Variants in PSD3 observed in about 807,000 individuals in gnomAD.
The protein encoded by PSD3 is PH and SEC7 domain-containing protein 3.
PSD3 carries 49 observed loss-of-function variants against 105.5 expected under a neutral mutation model. The observed-to-expected ratio is 0.46, with a 90% CI of 0.37 to 0.59. The LOEUF (loss-of-function observed/expected upper bound fraction) is 0.59, where lower values mean the gene tolerates loss of function less well. Ranked by LOEUF, PSD3 falls within the 20% of genes least tolerant of loss-of-function variation. The pLI is 0.00. For synonymous variants in PSD3, 557 were observed against 457.8 expected (o/e 1.22, Z -2.77); for missense variants, 1,561 against 1,263.8 (o/e 1.24, Z -3.57).
rs940552036 is a variant in PSD3 at position 18,782,110 on chromosome 8, TCTGTAGTAC to T, written c.2083-16581_2083-16573del. On this transcript the variant is annotated intron_variant, in intron 8 of 15. Coordinates refer to ENST00000327040, the MANE Select transcript of PSD3 (RefSeq NM_015310.4). ...GTTTCTTTGCATTGTTCATCTGTTT[TCTGTAGTAC>T]CTGGGTTTTCAGAAATATTTTGAAT... Among the ~76,000 whole-genome samples, 40 of 152,330 alleles carry T rather than the reference TCTGTAGTAC, an allele frequency of 2.6e-4. 1 individual carries two copies. Among genetic ancestry groups the T allele is most frequent in the African/African-American group, 9.6e-4 (40 of 41,574 alleles).
chr8:18,603,649 A>C (rs1167835841), intron 11 of PSD3, among the ~76,000 whole-genome samples: 2 of 152,186 alleles, frequency 1.3e-5, no homozygotes, highest in Non-Finnish European at 2.9e-5. Flanking sequence ...TTCAGCTACA[A>C]TCCCCAGTGT....
rs1308838665 is a variant in PSD3 at position 18,763,216 on chromosome 8, T to C, written c.2172+2233A>G. On this transcript the variant is annotated intron_variant, in intron 9 of 15. Coordinates refer to ENST00000327040, the MANE Select transcript of PSD3 (RefSeq NM_015310.4). ...ACGTAACAATAAAAGCCTCAGTTTATGTAACTTTAAGCTTTTTTAATATTG... is the reference window on the plus strand; with the variant it reads ...ACGTAACAATAAAAGCCTCAGTTTACGTAACTTTAAGCTTTTTTAATATTG... Among the ~76,000 whole-genome samples, 76 of 152,364 alleles carry C rather than the reference T, an allele frequency of 5.0e-4. 1 individual carries two copies. The highest frequency in any genetic ancestry group is 3.5e-4 in the Non-Finnish European group (24 of 68,034).
intron 9 of PSD3, among the ~76,000 whole-genome samples, chr8:18,708,529 C>T (rs1451002251): frequency 6.6e-6 from 1 of 152,036 alleles, no homozygotes; most frequent in East Asian, 1.9e-4. Flanking sequence ...AAGTTACAGA[C>T]CACACAGCTG....
At chr8:18,637,736 A>G (rs146228389) in intron 10 of PSD3, among the ~76,000 whole-genome samples, 2 of 152,208 alleles carry the variant, frequency 1.3e-5, no homozygotes, top group African/African-American at 4.8e-5. Context: ...ATGAAAAACT[A>G]TTTGTATCTA....
chr8:18,897,796 T>G (rs905407479), intron 2 of PSD3, among the ~76,000 whole-genome samples: 2 of 152,190 alleles, frequency 1.3e-5, no homozygotes, highest in Non-Finnish European at 2.9e-5. Flanking sequence ...TACTTTCTTT[T>G]TCTGCTATTT....
intron 2 of PSD3, among the ~76,000 whole-genome samples, chr8:18,888,034 A>G (rs1818549463): frequency 6.6e-6 from 1 of 152,314 alleles, no homozygotes. Context: ...CGATTCAAAC[A>G]CAGGCAATGT....
chr8:18,771,365 T>A (rs1048422264), intron 8 of PSD3, among the ~76,000 whole-genome samples: 1 of 152,228 alleles, frequency 6.6e-6, no homozygotes, highest in Non-Finnish European at 1.5e-5. Context: ...TTTAATTAGG[T>A]GAAATCCAGT....
chr8:19,033,375 C>T (rs892229502), intron 1 of PSD3, among the ~76,000 whole-genome samples: 1 of 152,014 alleles, frequency 6.6e-6, no homozygotes, highest in Non-Finnish European at 1.5e-5. Context: ...TAACAGCAAA[C>T]TGGTATTTTT....
intron 1 of PSD3, among the ~76,000 whole-genome samples, chr8:18,990,414 C>G (rs751977859): frequency 3.9e-5 from 6 of 152,230 alleles, no homozygotes; most frequent in Non-Finnish European, 8.8e-5. Context: ...ATGCGACGCT[C>G]TTTTCTGCCC....
chr8:18,769,844 T>C (rs1468609692), intron 8 of PSD3, among the ~76,000 whole-genome samples: 4 of 152,244 alleles, frequency 2.6e-5, no homozygotes, highest in African/African-American at 7.2e-5. Flanking sequence ...CAACATTCCA[T>C]TGTATGGATA....
At chr8:18,709,957 C>T (rs569791393) in intron 9 of PSD3, among the ~76,000 whole-genome samples, 14 of 152,256 alleles carry the variant, frequency 9.2e-5, no homozygotes, top group African/African-American at 3.4e-4. Context: ...ATTGCACCAC[C>T]TCTCCAGCAA....
At chr8:18,656,551 C>T (rs975472892) in intron 9 of PSD3, among the ~76,000 whole-genome samples, 1 of 152,036 alleles carries the variant, frequency 6.6e-6, no homozygotes, top group Admixed American at 6.5e-5. Context: ...TTAAGTATTA[C>T]ATTTTGGGTG....
At chr8:18,713,991 T>G (rs1426642545) in intron 9 of PSD3, among the ~76,000 whole-genome samples, 1 of 152,150 alleles carries the variant, frequency 6.6e-6, no homozygotes, top group African/African-American at 2.4e-5. Flanking sequence ...TTTACAACCA[T>G]CTGATCGTCA....
intron 12 of PSD3, among the ~76,000 whole-genome samples, chr8:18,599,834 G>T (rs1304128174): frequency 6.6e-6 from 1 of 152,124 alleles, no homozygotes; most frequent in Non-Finnish European, 1.5e-5. Context: ...TCTGTTGTGT[G>T]CATGGAGGGA....
chr8:18,799,441 C>T, intron 7 of PSD3, 88 bp from the exon 8 acceptor site: 2 of 1,036,320 alleles, frequency 1.9e-6, no homozygotes, highest in Non-Finnish European at 3.0e-6. Context: ...ACACTCAGAA[C>T]CTATGAAAAC....
At chr8:18,604,218 C>T (rs1287031639) in intron 11 of PSD3, among the ~76,000 whole-genome samples, 2 of 152,124 alleles carry the variant, frequency 1.3e-5, no homozygotes, top group South Asian at 2.1e-4. Context: ...ACAGCAAAGG[C>T]AAGGCTAACA....
intron 9 of PSD3, among the ~76,000 whole-genome samples, chr8:18,747,076 G>A (rs539230110): frequency 8.3e-4 from 126 of 152,260 alleles, no homozygotes; most frequent in African/African-American, 2.8e-3. Flanking sequence ...GTGAAGCTTA[G>A]AACCCTATAG....
chr8:18,528,046 T>G lies in PSD3; in HGVS notation c.*7697A>C, dbSNP rs1184949468. 6.6e-6 allele frequency: 1 copy of G among 152,222 alleles called. No homozygotes were observed. The highest frequency in any genetic ancestry group is 1.9e-4 in the East Asian group (1 of 5,204). The allele number at this position is 152,222 out of a possible 1,614,324, so 9.4% of individuals were successfully genotyped here. The stretch of plus-strand genomic sequence containing the variant: ...CAGTTATTATAATAGGCTGGAAAAG[T>G]TAAAAGCTTCTTTTATATTAAAAGA... On this transcript the variant is annotated 3_prime_UTR_variant, in exon 16 of 16. Transcript: ENST00000327040.
At chr8:18,889,688 A>G (rs904464721) in intron 2 of PSD3, among the ~76,000 whole-genome samples, 2 of 152,174 alleles carry the variant, frequency 1.3e-5, no homozygotes, top group Admixed American at 6.5e-5. Flanking sequence ...CGTGCAATGT[A>G]CTGAGCCTCC....
Sources: gnomAD v4.1 joint callset for allele counts (sites outside exome capture counted in the v4.1 genomes callset) on GRCh38, gnomAD v4.1.1 for gene constraint, MANE v1.5 for transcripts, NCBI Gene and HGNC (gene_info 2026-07-23, HGNC 2026-07-21) for gene names.